BCAS3: variants seen among roughly 807,000 people sequenced by gnomAD.
BCAS3 encodes the protein BCAS4/BCAS3 fusion.
A neutral mutation model predicts 116.1 loss-of-function variants in BCAS3; 53 were observed. That is an observed-to-expected ratio of 0.46 (90% CI 0.37 to 0.57). The LOEUF (loss-of-function observed/expected upper bound fraction) is 0.57. Among genes scored for constraint, BCAS3 ranks in the 20% least tolerant of loss-of-function variants. BCAS3 has a pLI of 0.00. For missense variants in BCAS3, 917 were observed against 1,165.4 expected, an observed-to-expected ratio of 0.79 and a Z score of 3.10; for synonymous variants, 391 against 408.2, an observed-to-expected ratio of 0.96 and a Z score of 0.51.
intron 15 of BCAS3, among the ~76,000 whole-genome samples, chr17:60,996,776 G>A (rs1203658657): frequency 6.6e-6 from 1 of 152,122 alleles, no homozygotes; most frequent in African/African-American, 2.4e-5. Flanking sequence ...GAGCCCTGGG[G>A]CCCTCTGACA....
chr17:61,117,250 C>T (rs1033750114), intron 22 of BCAS3, among the ~76,000 whole-genome samples: 19 of 152,114 alleles, frequency 1.2e-4, no homozygotes, highest in Non-Finnish European at 1.9e-4. Flanking sequence ...TGTTACTGAA[C>T]GCATCCACTT....
rs1188605275 is a variant in BCAS3 at position 60,740,036 on chromosome 17, T to G, written c.322-7162T>G. Among the ~76,000 whole-genome samples, 6 of 152,290 alleles carry G rather than the reference T, an allele frequency of 3.9e-5. No homozygotes were observed. The East Asian group carries it at 1.2e-3, about 29-fold the overall frequency. ...TCAAGATTTTTTCTTTATCTTTGAT[T>G]TGTTTGAAATTTGAAAATGGTATGC... On this transcript the variant is annotated intron_variant, in intron 5 of 23. Transcript: ENST00000407086.
chr17:60,714,218 G>T (rs543285376), intron 5 of BCAS3, among the ~76,000 whole-genome samples: 1 of 152,170 alleles, frequency 6.6e-6, no homozygotes, highest in South Asian at 2.1e-4. Context: ...TCCTCCTGCC[G>T]TGGCCTCCCA....
chr17:61,325,902 T>C lies in BCAS3; in HGVS notation c.2426-42425T>C, dbSNP rs1195453080. 1.3e-5 allele frequency among the ~76,000 whole-genome samples: 2 copies of C among 152,232 alleles called. No homozygotes were observed. Among genetic ancestry groups the C allele is most frequent in the African/African-American group, 4.8e-5 (2 of 41,462 alleles). On this transcript the variant is annotated intron_variant, in intron 22 of 23. Coordinates refer to ENST00000407086, the MANE Select transcript of BCAS3 (RefSeq NM_017679.5). The surrounding 1 kb of genome is among the most constrained non-coding windows in gnomAD (Gnocchi z 6.4). ...TCTCACTAGAGACTCACTGTATCTGTATCCAGATTAAATCTGGCTAATATA... is the reference window on the plus strand; with the variant it reads ...TCTCACTAGAGACTCACTGTATCTGCATCCAGATTAAATCTGGCTAATATA...
At chr17:60,947,826 G>T (rs564984852) in intron 14 of BCAS3, among the ~76,000 whole-genome samples, 1 of 152,108 alleles carries the variant, frequency 6.6e-6, no homozygotes, top group Admixed American at 6.6e-5. Context: ...AACCAGTTGC[G>T]CACATCCCTC....
rs869116570 is a variant in BCAS3, at chr17:61,278,951, CTT to C, written c.2426-89361_2426-89360del. Among the ~76,000 whole-genome samples, 11 of 140,474 alleles carry C rather than the reference CTT, an allele frequency of 7.8e-5. No homozygotes were observed. The highest frequency in any genetic ancestry group is 1.4e-4 in the Admixed American group (2 of 13,968). 92.2% of individuals were successfully genotyped at this position (140,474 alleles called of 152,430 possible). On this transcript the variant is annotated intron_variant, in intron 22 of 23. Coordinates refer to ENST00000407086, the MANE Select transcript of BCAS3 (RefSeq NM_017679.5). The surrounding 1 kb of genome is among the most constrained non-coding windows in gnomAD (Gnocchi z 5.8). ...ACACTAAAAGCCATTGAATTATGTA[CTT>C]TTTTTTTTTTTTTTAAAGATGGAGT...
chr17:60,909,115 A>G (rs1231326440), intron 11 of BCAS3, among the ~76,000 whole-genome samples: 1 of 152,212 alleles, frequency 6.6e-6, no homozygotes, highest in African/African-American at 2.4e-5. Context: ...AACATAGTTT[A>G]TGTTAAGTGC....
chr17:60,895,641 A>G (rs1043292405), intron 10 of BCAS3, among the ~76,000 whole-genome samples: 1 of 151,884 alleles, frequency 6.6e-6, no homozygotes, highest in Non-Finnish European at 1.5e-5. Flanking sequence ...TTAGATTGTT[A>G]ATTTGTAATC....
intron 13 of BCAS3, among the ~76,000 whole-genome samples, chr17:60,928,962 A>G (rs1567890882): frequency 6.6e-6 from 1 of 152,228 alleles, no homozygotes; most frequent in Non-Finnish European, 1.5e-5. Context: ...CTATTTGTAA[A>G]TGCATAGATA....
chr17:60,732,726 C>A (rs1446199761), intron 5 of BCAS3, among the ~76,000 whole-genome samples: 2 of 152,134 alleles, frequency 1.3e-5, no homozygotes, highest in African/African-American at 4.8e-5. Flanking sequence ...GTAGTCCCAG[C>A]TACTCAGGAG....
chr17:60,952,157 C>T (rs1440366151), intron 14 of BCAS3, among the ~76,000 whole-genome samples: 3 of 152,034 alleles, frequency 2.0e-5, no homozygotes, highest in Non-Finnish European at 2.9e-5. Flanking sequence ...ATTTTTATCC[C>T]TTACTGTATA....
chr17:61,031,678 AT>A, intron 16 of BCAS3, among the ~76,000 whole-genome samples: 1 of 152,096 alleles, frequency 6.6e-6, no homozygotes, highest in Non-Finnish European at 1.5e-5. Context: ...TTTACCCAAT[AT>A]GCTTCATACC....
In BCAS3 at chr17:61,362,368, G is replaced by C. The variant is rs150856446; in HGVS notation, c.2426-5959G>C. On this transcript the variant is annotated intron_variant, in intron 22 of 23. Transcript: ENST00000407086. The surrounding 1 kb of genome is among the most constrained non-coding windows in gnomAD (Gnocchi z 4.4). ...TTGCTTTTGGTATCTGGCCTCCCTG[G>C]TGGTTAGAAATCTGATCAGCAGGCT... 5.7e-3 allele frequency among the ~76,000 whole-genome samples: 869 copies of C among 152,312 alleles called. 9 individuals carry two copies. Among genetic ancestry groups the C allele is most frequent in the African/African-American group, 0.02 (817 of 41,544 alleles).
chr17:61,236,527 A>G (rs2083074156), intron 22 of BCAS3, among the ~76,000 whole-genome samples: 2 of 152,122 alleles, frequency 1.3e-5, no homozygotes, highest in Middle Eastern at 3.4e-3. Context: ...TCACTGTGTT[A>G]GCCAGGGTGG....
At chr17:61,271,096 G>C (rs1366834349) in intron 22 of BCAS3, among the ~76,000 whole-genome samples, 1 of 147,688 alleles carries the variant, frequency 6.8e-6, no homozygotes, top group Non-Finnish European at 1.5e-5. Flanking sequence ...TTTTGTACAT[G>C]GTGTAAGGGA....
chr17:61,146,333 G>C (rs975598122), intron 22 of BCAS3, among the ~76,000 whole-genome samples: 16 of 151,198 alleles, frequency 1.1e-4, no homozygotes, highest in African/African-American at 3.7e-4. Context: ...GCCCAGGCTG[G>C]TCTCGAACTC....
chr17:61,115,204 C>T (rs2075351629), intron 22 of BCAS3, among the ~76,000 whole-genome samples: 1 of 152,070 alleles, frequency 6.6e-6, no homozygotes, highest in Non-Finnish European at 1.5e-5. Flanking sequence ...TCCAAAACAC[C>T]AAAAGCAATG....
intron 22 of BCAS3, among the ~76,000 whole-genome samples, chr17:61,101,118 C>T (rs2074301587): frequency 6.6e-6 from 1 of 152,074 alleles, no homozygotes; most frequent in African/African-American, 2.4e-5. Context: ...ACACAAAATA[C>T]ATCACCTCCA....
intron 14 of BCAS3, among the ~76,000 whole-genome samples, chr17:60,951,826 A>G (rs1017817437): frequency 1.5e-5 from 2 of 136,646 alleles, no homozygotes; most frequent in Admixed American, 7.8e-5. Context: ...CTGGAGTGCA[A>G]TGGCACAATC....
Sources: allele counts gnomAD v4.1 joint callset (sites outside exome capture counted in the v4.1 genomes callset), GRCh38; gene constraint gnomAD v4.1.1; non-coding constraint Gnocchi (gnomAD v3.1); transcripts MANE v1.5; gene names NCBI Gene and HGNC (gene_info 2026-07-23, HGNC 2026-07-21).